The following CELF2 variants were observed in gnomAD, a reference collection of about 807,000 sequenced individuals.
The protein encoded by CELF2 is CUG triplet repeat RNA-binding protein 2.
A neutral mutation model predicts 62.6 loss-of-function variants in CELF2; 8 were observed. The observed-to-expected ratio is 0.13, with a 90% CI of 0.07 to 0.23. The LOEUF is 0.23. CELF2 is among the 10% of genes least tolerant of loss of function. The pLI is 1.00. For missense variants in CELF2, 333 were observed against 671.0 expected, an observed-to-expected ratio of 0.50 and a Z score of 5.56; for synonymous variants, 258 against 250.0, an observed-to-expected ratio of 1.03 and a Z score of -0.30.
the CELF2 span, among the ~76,000 whole-genome samples, chr10:10,708,487 T>C: frequency 5.8e-4 from 88 of 152,232 alleles, no homozygotes; most frequent in African/African-American, 1.9e-3. Flanking sequence ...TTGGCATATA[T>C]AAAATACCTC....
chr10:10,768,123 GC>G, the CELF2 span, among the ~76,000 whole-genome samples: 105 of 148,316 alleles, frequency 7.1e-4, no homozygotes, highest in African/African-American at 2.5e-3. Context: ...CTGAGACCAC[GC>G]CACTGCACTC....
intron 1 of CELF2, among the ~76,000 whole-genome samples, chr10:11,072,001 C>T (rs984168842): frequency 2.6e-5 from 4 of 152,110 alleles, no homozygotes; most frequent in East Asian, 1.9e-4. Flanking sequence ...GAATTGGTGA[C>T]GACACCGTGA....
intron 1 of CELF2, among the ~76,000 whole-genome samples, chr10:11,042,951 G>A (rs993712996): frequency 2.0e-5 from 3 of 152,116 alleles, no homozygotes; most frequent in Admixed American, 2.0e-4. Context: ...AAGATGGTTT[G>A]GCTTTTAGGA....
chr10:10,729,273 T>C, the CELF2 span, among the ~76,000 whole-genome samples: 1 of 152,218 alleles, frequency 6.6e-6, no homozygotes, highest in Non-Finnish European at 1.5e-5. Flanking sequence ...CTAACAAGTT[T>C]CTAACTTTCT....
the CELF2 span, among the ~76,000 whole-genome samples, chr10:10,525,907 T>C: frequency 2.0e-5 from 3 of 152,222 alleles, no homozygotes; most frequent in African/African-American, 7.2e-5. Context: ...TCCATCCTGT[T>C]TTCCATAATG....
rs551358877 is a variant in CELF2 at position 11,315,193 on chromosome 10, C to T, written c.1096+935C>T. Among the ~76,000 whole-genome samples, 17 of 152,248 alleles carry T rather than the reference C, an allele frequency of 1.1e-4. No homozygotes were observed. The highest frequency in any genetic ancestry group is 8.3e-4 in the South Asian group (4 of 4,820). On this transcript the variant is annotated intron_variant, in intron 10 of 12. Transcript: ENST00000633077. This position sits in a 1 kb window ranked among gnomAD's most constrained non-coding sequence, Gnocchi z 5.8. ...GGGACATGTAATTTCCCTGTCCCTC[C>T]GTTTCAGATCCCCTGGTTGCCTGAG...
chr10:10,638,527 A>G, the CELF2 span, among the ~76,000 whole-genome samples: 1 of 152,216 alleles, frequency 6.6e-6, no homozygotes, highest in Non-Finnish European at 1.5e-5. Flanking sequence ...TTTTTGAGAC[A>G]TGAATGAAAA....
intron 9 of CELF2, among the ~76,000 whole-genome samples, chr10:11,303,850 T>A (rs2093981448): frequency 6.6e-6 from 1 of 152,232 alleles, no homozygotes. Context: ...AAATTCTGGC[T>A]CTGCCACTGA....
At chr10:10,958,993 A>C (rs760719365) in intron 2 of CELF2, among the ~76,000 whole-genome samples, 1 of 152,218 alleles carries the variant, frequency 6.6e-6, no homozygotes, top group African/African-American at 2.4e-5. Flanking sequence ...ACGGTGGCTC[A>C]CACCTGTAAT....
chr10:11,215,005 G>A (rs547576689), intron 2 of CELF2, among the ~76,000 whole-genome samples: 7 of 152,174 alleles, frequency 4.6e-5, no homozygotes, highest in Admixed American at 2.0e-4. Flanking sequence ...CAATCTGTCC[G>A]TTTCTGAAAA....
At chr10:10,614,331 T>C in the CELF2 span, among the ~76,000 whole-genome samples, 18 of 152,040 alleles carry the variant, frequency 1.2e-4, no homozygotes, top group Non-Finnish European at 2.6e-4. Context: ...TGTCTCCTTC[T>C]CTCCACTCCT....
intron 1 of CELF2, among the ~76,000 whole-genome samples, chr10:11,006,585 T>C (rs1423505488): frequency 6.6e-6 from 1 of 152,222 alleles, no homozygotes; most frequent in East Asian, 1.9e-4. Flanking sequence ...TTATGAAACA[T>C]AGCATGAAAA....
At chr10:11,189,484 A>C (rs2075800794) in intron 2 of CELF2, among the ~76,000 whole-genome samples, 1 of 152,150 alleles carries the variant, frequency 6.6e-6, no homozygotes, top group South Asian at 2.1e-4. Flanking sequence ...CTCTAATCTC[A>C]CTGAGGGTTT....
the CELF2 span, among the ~76,000 whole-genome samples, chr10:10,723,583 G>T: frequency 6.6e-6 from 1 of 152,252 alleles, no homozygotes; most frequent in East Asian, 1.9e-4. Context: ...AGACTTCTAA[G>T]GTGCCCAGTG....
Position 11,122,843 on chromosome 10 carries a change from T to C in CELF2, c.75-42643T>C, listed in dbSNP as rs552910327. On this transcript the variant is annotated intron_variant, in intron 1 of 12. Coordinates refer to ENST00000633077, the MANE Select transcript of CELF2 (RefSeq NM_001326342.2). The stretch of plus-strand genomic sequence containing the variant: ...ATTTTCAAGTTTGCAATTGCTGTTG[T>C]GGAGATGAACAGCAGAACTGTGGGA... Among the ~76,000 whole-genome samples, 52 of 152,284 alleles carry C rather than the reference T, an allele frequency of 3.4e-4. No individual in the cohort carries two copies. The South Asian group carries it at 7.7e-3, about 22-fold the overall frequency.
rs2050809385 is a variant in CELF2, at chr10:10,972,042, G to A, written c.89+52043G>A. ...TGAATCTGTTGCTCTTTTTCAGTCA[G>A]TTCATCTTTACTACTCCACTGAAAC... On this transcript the variant is annotated intron_variant, in intron 2 of 13. Coordinates refer to the CELF2 transcript ENST00000636488. This position sits in a 1 kb window ranked among gnomAD's most constrained non-coding sequence, Gnocchi z 4.4. Among the ~76,000 whole-genome samples the A allele has an allele frequency of 6.6e-6, 1 of 152,068 alleles. No homozygotes were observed. Among genetic ancestry groups the A allele is most frequent in the Admixed American group, 6.5e-5 (1 of 15,274 alleles).
intron 1 of CELF2, among the ~76,000 whole-genome samples, chr10:10,902,055 C>T (rs2062976018): frequency 6.6e-6 from 1 of 152,088 alleles, no homozygotes; most frequent in South Asian, 2.1e-4. Context: ...TTTTGAATGG[C>T]TAAAATTAAA....
chr10:11,267,354 C>T lies in CELF2; in HGVS notation c.618+677C>T, dbSNP rs1055867234. 6.6e-6 allele frequency among the ~76,000 whole-genome samples: 1 copy of T among 152,202 alleles called. No homozygotes were observed. Among genetic ancestry groups the T allele is most frequent in the Non-Finnish European group, 1.5e-5 (1 of 68,048 alleles). ...ACACCCTGGTGTGGATGCACACCCA[C>T]GAACCTAGATAGATGGCTCTGTACT... On this transcript the variant is annotated intron_variant, in intron 6 of 12. Transcript: ENST00000633077. The surrounding 1 kb of genome is among the most constrained non-coding windows in gnomAD (Gnocchi z 4.4).
the CELF2 span, among the ~76,000 whole-genome samples, chr10:10,758,454 T>G: frequency 1.3e-5 from 2 of 152,196 alleles, no homozygotes; most frequent in African/African-American, 4.8e-5. Flanking sequence ...AAATGACATC[T>G]TCCTGCCTCG....
Sources: gnomAD v4.1 joint callset for allele counts (sites outside exome capture counted in the v4.1 genomes callset) on GRCh38, gnomAD v4.1.1 for gene constraint, Gnocchi (gnomAD v3.1) non-coding constraint, MANE v1.5 for transcripts, NCBI Gene and HGNC (gene_info 2026-07-23, HGNC 2026-07-21) for gene names.